Variants in SAXO5 observed in about 807,000 individuals in gnomAD.
The protein encoded by SAXO5 is testis expressed 45.
chr19:7,498,309 C>T, the SAXO5 span, among the ~76,000 whole-genome samples: 2 of 151,730 alleles, frequency 1.3e-5, no homozygotes, highest in African/African-American at 4.8e-5. Flanking sequence ...CACCCAGGTT[C>T]AAGCGGTTCT....
At chr19:7,506,931 C>T in the SAXO5 span, 1 of 696,658 alleles carries the variant, frequency 1.4e-6, no homozygotes, top group Admixed American at 2.3e-5. Flanking sequence ...ATCCATTTTT[C>T]TCCCCTGGTC....
the SAXO5 span, among the ~76,000 whole-genome samples, chr19:7,503,067 CAAG>C: frequency 6.6e-6 from 1 of 152,088 alleles, no homozygotes; most frequent in Non-Finnish European, 1.5e-5. Flanking sequence ...ATACCAGGTC[CAAG>C]AAGAAGTTGC....
chr19:7,498,672 G>C, the SAXO5 span, among the ~76,000 whole-genome samples: 1 of 152,160 alleles, frequency 6.6e-6, no homozygotes, highest in African/African-American at 2.4e-5. Context: ...TGGGATTATA[G>C]GCCTGAGCCA....
chr19:7,506,152 G>A, the SAXO5 span: 75 of 1,605,720 alleles, frequency 4.7e-5, no homozygotes, highest in Non-Finnish European at 6.0e-5. Context: ...GCTACCTGCC[G>A]CGGGGCACGG....
the SAXO5 span, chr19:7,503,995 C>T: frequency 3.0e-6 from 2 of 660,140 alleles, no homozygotes; most frequent in South Asian, 1.8e-5. Flanking sequence ...AGCTCTCAGT[C>T]TACACTGTTC....
chr19:7,505,394 G>T, the SAXO5 span: 1 of 1,614,180 alleles, frequency 6.2e-7, no homozygotes, highest in Non-Finnish European at 8.5e-7. Flanking sequence ...CCTCTTCCGC[G>T]ACAGGACCAC....
chr19:7,505,295 T>C, the SAXO5 span: 1 of 1,608,180 alleles, frequency 6.2e-7, no homozygotes. Context: ...CTTTACCTTA[T>C]TCTTGATGGA....
the SAXO5 span, chr19:7,505,249 C>G: frequency 1.4e-6 from 2 of 1,431,568 alleles, no homozygotes; most frequent in Non-Finnish European, 9.8e-7. Flanking sequence ...TCCCAAAGTG[C>G]TGAGATTACA....
At chr19:7,504,265 T>C in the SAXO5 span, 445 of 1,613,480 alleles carry the variant, frequency 2.8e-4, no homozygotes, top group Non-Finnish European at 3.4e-4. Flanking sequence ...GGGGGCAGAA[T>C]TGGGGGCTGG....
the SAXO5 span, chr19:7,501,181 A>T: frequency 1.3e-6 from 2 of 1,521,618 alleles, no homozygotes; most frequent in Admixed American, 4.0e-5. Context: ...GAGGACGCGC[A>T]CGCCGGGATC....
the SAXO5 span, chr19:7,506,722 C>T: frequency 2.6e-6 from 1 of 378,650 alleles, no homozygotes; most frequent in Non-Finnish European, 4.9e-6. Context: ...TGGCTCCTTC[C>T]TTTGTCCCAG....
At chr19:7,508,435 C>T in the SAXO5 span, 2 of 1,604,534 alleles carry the variant, frequency 1.2e-6, no homozygotes, top group South Asian at 2.2e-5. Context: ...CAATAAATGC[C>T]ATCTTGGCAA....
chr19:7,505,377 G>A, the SAXO5 span: 1 of 1,614,208 alleles, frequency 6.2e-7, no homozygotes. Context: ...ATCCGTCCTG[G>A]TGACGGCCTC....
chr19:7,505,775 C>G, the SAXO5 span: 22 of 927,272 alleles, frequency 2.4e-5, no homozygotes, highest in African/African-American at 3.5e-4. Flanking sequence ...AGTCACTTAA[C>G]CACTCCGATC....
chr19:7,508,182 A>T, the SAXO5 span: 1 of 1,603,990 alleles, frequency 6.2e-7, no homozygotes, highest in Non-Finnish European at 8.5e-7. Context: ...CTGCCCTGCC[A>T]GGCTGTCCAC....
chr19:7,504,124 G>T, the SAXO5 span: 3 of 1,610,622 alleles, frequency 1.9e-6, no homozygotes, highest in Non-Finnish European at 2.5e-6. Context: ...TCCTAAGGGG[G>T]CCCCAACACC....
chr19:7,499,383 C>G, the SAXO5 span, among the ~76,000 whole-genome samples: 136 of 117,328 alleles, frequency 1.2e-3, no homozygotes, highest in Non-Finnish European at 1.3e-3. Context: ...GGGGGAGGGG[C>G]GGGGGAGGGG....
At chr19:7,504,351 A>G in the SAXO5 span, 1 of 1,614,196 alleles carries the variant, frequency 6.2e-7, no homozygotes, top group South Asian at 1.1e-5. Context: ...AAGATCAGCT[A>G]TGGATCAACG....
the SAXO5 span, among the ~76,000 whole-genome samples, chr19:7,507,563 G>C: frequency 2.0e-5 from 3 of 150,810 alleles, no homozygotes; most frequent in East Asian, 1.9e-4. Flanking sequence ...CTGGGCAACA[G>C]AGCAAGACTC....
Sources: gnomAD v4.1 joint callset for allele counts (sites outside exome capture counted in the v4.1 genomes callset) on GRCh38, gnomAD v4.1.1 for gene constraint, MANE v1.5 for transcripts, NCBI Gene and HGNC (gene_info 2026-07-23, HGNC 2026-07-21) for gene names.